TRIM24: variants seen among roughly 807,000 people sequenced by gnomAD.
The protein encoded by TRIM24 is transcription intermediary factor 1-alpha.
Under a neutral mutation model 123.9 loss-of-function variants are expected in TRIM24, and 29 were observed. That is an observed-to-expected ratio of 0.23 (90% CI 0.17 to 0.32). The LOEUF is 0.32. Ranked by LOEUF, TRIM24 falls within the 10% of genes least tolerant of loss-of-function variation. The pLI is 1.00. For missense variants in TRIM24, 932 were observed against 1,295.3 expected, an observed-to-expected ratio of 0.72 and a Z score of 4.31; for synonymous variants, 456 against 461.1, an observed-to-expected ratio of 0.99 and a Z score of 0.14.
intron 1 of TRIM24, 151 bp downstream of exon 1, chr7:138,461,063 A>G (rs961213903): frequency 3.5e-6 from 3 of 854,462 alleles, no homozygotes; most frequent in Non-Finnish European, 5.6e-6. Context: ...GGCGACGGTG[A>G]CATGGAGGGC....
chr7:138,572,366 T>G (rs1364038339), intron 11 of TRIM24, among the ~76,000 whole-genome samples: 1 of 152,214 alleles, frequency 6.6e-6, no homozygotes, highest in African/African-American at 2.4e-5. Flanking sequence ...TTGAAAAATA[T>G]TGGCCAAGTA....
In TRIM24 at chr7:138,585,998, G is replaced by GT; in HGVS notation, c.*1047_*1048insT. On this transcript the variant is annotated 3_prime_UTR_variant, in exon 19 of 19. Coordinates refer to ENST00000343526, the MANE Select transcript of TRIM24 (RefSeq NM_015905.3). ...CAGGCAGCTGGGGGGAATTAATAGTGATTTTTTTTTTTTCCTGAAGCATCT... is the reference window on the plus strand; with the variant it reads ...CAGGCAGCTGGGGGGAATTAATAGTGTATTTTTTTTTTTTCCTGAAGCATCT... The GT allele has an allele frequency of 9.0e-6, 4 of 444,404 alleles. No homozygotes were observed. The highest frequency in any genetic ancestry group is 1.3e-5 in the Non-Finnish European group (3 of 223,290). 27.5% of individuals were successfully genotyped at this position (444,404 alleles called of 1,614,324 possible).
chr7:138,520,832 AGAG>A (rs754086316), intron 4 of TRIM24, among the ~76,000 whole-genome samples: 24 of 152,228 alleles, frequency 1.6e-4, no homozygotes, highest in Non-Finnish European at 3.4e-4. Flanking sequence ...ATCATCAGCA[AGAG>A]GAGGATGAAA....
intron 1 of TRIM24, among the ~76,000 whole-genome samples, chr7:138,488,768 C>T (rs2116493642): frequency 1.3e-5 from 2 of 152,232 alleles, no homozygotes; most frequent in Non-Finnish European, 2.9e-5. Flanking sequence ...TTACTTCCAA[C>T]TATGTGGTCA....
At chr7:138,543,235 T>C (rs1797038262) in intron 7 of TRIM24, among the ~76,000 whole-genome samples, 1 of 152,256 alleles carries the variant, frequency 6.6e-6, no homozygotes, top group African/African-American at 2.4e-5. Context: ...GATAGTCATC[T>C]ATATGATACA....
chr7:138,546,976 A>G (rs979317264), intron 7 of TRIM24, among the ~76,000 whole-genome samples: 32 of 152,338 alleles, frequency 2.1e-4, no homozygotes, highest in Middle Eastern at 3.4e-3. Context: ...GAATAGATGT[A>G]TGTACTCCTG....
At chr7:138,522,368 C>T (rs1796522296) in intron 4 of TRIM24, among the ~76,000 whole-genome samples, 1 of 151,840 alleles carries the variant, frequency 6.6e-6, no homozygotes, top group Admixed American at 6.6e-5. Context: ...GATTGAATAC[C>T]ACAATTAACA....
intron 7 of TRIM24, among the ~76,000 whole-genome samples, chr7:138,543,093 G>T (rs78736859): frequency 0.013 from 1,982 of 152,146 alleles, 35 homozygotes; most frequent in African/African-American, 0.045. Flanking sequence ...TAAGCATTCC[G>T]TCAATCTCCT....
intron 10 of TRIM24, 115 bp from the exon 11 acceptor site, chr7:138,570,715 C>T: frequency 6.9e-6 from 7 of 1,012,032 alleles, no homozygotes; most frequent in Non-Finnish European, 1.0e-5. Context: ...TCCCATTCTC[C>T]TTCCATGTAA....
Position 138,554,675 on chromosome 7 carries a change from C to T in TRIM24, c.1262-23C>T, listed in dbSNP as rs1282313826. ...ACCAACTATCTGAAAAACTGTTTCCCTTAACCTTTTCTTTTTAATTAGGTT... is the reference window on the plus strand; with the variant it reads ...ACCAACTATCTGAAAAACTGTTTCCTTTAACCTTTTCTTTTTAATTAGGTT... On this transcript the variant is annotated intron_variant, in intron 8 of 18. Transcript: ENST00000343526. This position sits in a 1 kb window ranked among gnomAD's most constrained non-coding sequence, Gnocchi z 4.5. The T allele has an allele frequency of 1.2e-6, 2 of 1,606,106 alleles. No individual in the cohort carries two copies. Among genetic ancestry groups the T allele is most frequent in the Non-Finnish European group, 1.7e-6 (2 of 1,174,214 alleles).
At chr7:138,574,189 A>G (rs1449511364) in intron 12 of TRIM24, among the ~76,000 whole-genome samples, 2 of 152,068 alleles carry the variant, frequency 1.3e-5, no homozygotes, top group African/African-American at 4.8e-5. Flanking sequence ...TTAAGATGTA[A>G]TTTGCCTAGG....
intron 2 of TRIM24, among the ~76,000 whole-genome samples, chr7:138,506,588 G>A (rs1796155964): frequency 6.6e-6 from 1 of 152,182 alleles, no homozygotes; most frequent in Non-Finnish European, 1.5e-5. Flanking sequence ...GGACATGAGA[G>A]TTAAAGGGAT....
At chr7:138,519,456 T>C in intron 4 of TRIM24, 135 bp downstream of exon 4, 1 of 925,966 alleles carries the variant, frequency 1.1e-6, no homozygotes, top group Middle Eastern at 3.5e-4. Context: ...TGTACTGGGG[T>C]TTGTCACTTT....
intron 1 of TRIM24, among the ~76,000 whole-genome samples, chr7:138,481,390 T>C (rs1304778669): frequency 6.6e-6 from 1 of 152,184 alleles, no homozygotes; most frequent in Non-Finnish European, 1.5e-5. Context: ...CTGGCTATTT[T>C]AATTTTAATA....
intron 6 of TRIM24, among the ~76,000 whole-genome samples, chr7:138,535,847 G>A (rs1215705132): frequency 6.6e-6 from 1 of 151,914 alleles, no homozygotes; most frequent in Non-Finnish European, 1.5e-5. Flanking sequence ...TCACTTTCAG[G>A]TACACCAATC....
chr7:138,472,219 CT>C (rs1795287399), intron 1 of TRIM24, among the ~76,000 whole-genome samples: 1 of 151,590 alleles, frequency 6.6e-6, no homozygotes, highest in South Asian at 2.1e-4. Flanking sequence ...TTCTCACTTT[CT>C]TTTTATATAA....
intron 2 of TRIM24, among the ~76,000 whole-genome samples, chr7:138,509,654 A>T (rs1354201799): frequency 7.7e-6 from 1 of 129,454 alleles, no homozygotes; most frequent in African/African-American, 2.9e-5. Context: ...GTGAGCCAAG[A>T]TTGCACCACA....
rs750261519 is a variant in TRIM24, at chr7:138,460,819, C to T, written c.271C>T (p.Leu91=). 34 of 1,579,422 alleles carry T rather than the reference C, an allele frequency of 2.2e-5. No homozygotes were observed. The highest frequency in any genetic ancestry group is 2.0e-5 in the Non-Finnish European group (23 of 1,167,896). The change falls in exon 1 of 19, where the codon CTG becomes TTG. Residue 91 remains leucine, a synonymous_variant. Coordinates refer to ENST00000343526, the MANE Select transcript of TRIM24 (RefSeq NM_015905.3). ...CLPAPQRYLM[L]PAPMLGSAET... ...GCCCGCGCCCCAGCGCTACCTCATG[C>T]TGCCCGCGCCCATGCTGGGCTCGGC... is the stretch of plus-strand genomic sequence containing the variant.
chr7:138,542,677 A>G (rs897916063), intron 7 of TRIM24, among the ~76,000 whole-genome samples: 4 of 152,214 alleles, frequency 2.6e-5, no homozygotes, highest in African/African-American at 9.6e-5. Context: ...GTATGCTTGT[A>G]TTACTACCTC....
Sources: allele counts gnomAD v4.1 joint callset (sites outside exome capture counted in the v4.1 genomes callset), GRCh38; gene constraint gnomAD v4.1.1; non-coding constraint Gnocchi (gnomAD v3.1); transcripts MANE v1.5; gene names NCBI Gene and HGNC (gene_info 2026-07-23, HGNC 2026-07-21).